The following SUPT3H variants were observed in gnomAD, a reference collection of about 807,000 sequenced individuals.
The protein encoded by SUPT3H is SPT3 homolog, SAGA and STAGA complex component.
Under a neutral mutation model 44.3 loss-of-function variants are expected in SUPT3H, and 44 were observed. That is an observed-to-expected ratio of 0.99 (90% CI 0.78 to 1.28). The LOEUF is 1.28. Among genes scored for constraint, SUPT3H ranks in the 50% most tolerant of loss-of-function variants. The probability of loss-of-function intolerance (pLI) is 0.00; values close to 1 mark genes in which losing one functional copy is unlikely to be tolerated. For synonymous variants in SUPT3H, 124 were observed against 125.6 expected (o/e 0.99, Z 0.09); for missense variants, 380 against 387.1 (o/e 0.98, Z 0.15).
intron 10 of SUPT3H, chr6:44,898,983 GC>G (rs1234489268): frequency 6.6e-6 from 1 of 152,078 alleles, no homozygotes; most frequent in Non-Finnish European, 1.5e-5. Flanking sequence ...TGAAAACTCT[GC>G]CCCCCTCCCT....
rs571222335 is a variant in SUPT3H at position 45,272,858 on chromosome 6, A to C, written c.101+92343T>G. Reference sequence around the variant, plus strand: ...CAAGCAAAACGCCTCAAGCATCCCCAAAAAAACTGTTGCCATGACTTCTGC... The same window carrying C: ...CAAGCAAAACGCCTCAAGCATCCCCCAAAAAACTGTTGCCATGACTTCTGC... On this transcript the variant is annotated intron_variant, in intron 2 of 10. Coordinates refer to ENST00000371459, the MANE Select transcript of SUPT3H (RefSeq NM_003599.4). Among the ~76,000 whole-genome samples, 326 of 152,246 alleles carry C rather than the reference A, an allele frequency of 2.1e-3. 1 individual carries two copies. The highest frequency in any genetic ancestry group is 7.5e-3 in the African/African-American group (311 of 41,550).
intron 4 of SUPT3H, among the ~76,000 whole-genome samples, chr6:45,019,424 C>T (rs1784793004): frequency 1.3e-5 from 2 of 151,884 alleles, no homozygotes. Context: ...TTTTCTAGTT[C>T]TTTTAATTGT....
chr6:45,009,352 G>GAA (rs1472158101), intron 5 of SUPT3H, among the ~76,000 whole-genome samples: 1 of 151,974 alleles, frequency 6.6e-6, no homozygotes, highest in African/African-American at 2.4e-5. Flanking sequence ...TTTGCTGTTT[G>GAA]TGCTTTTGGT....
At chr6:45,048,221 CTTTTTTTTT>C (rs67557043) in intron 3 of SUPT3H, among the ~76,000 whole-genome samples, 19 of 88,196 alleles carry the variant, frequency 2.2e-4, no homozygotes, top group African/African-American at 5.0e-4. Flanking sequence ...TCTCTCTACT[CTTTTTTTTT>C]TTTTTTTTTT....
At chr6:44,906,027 C>G (rs6458414) in intron 10 of SUPT3H, among the ~76,000 whole-genome samples, 52,317 of 151,422 alleles carry the variant, frequency 0.35, 9,744 homozygotes, top group Admixed American at 0.42. Context: ...GCCTGTTGTG[C>G]GGTGGGGGGA....
Position 44,848,921 on chromosome 6 carries a change from A to G in SUPT3H, c.913-19064T>C, listed in dbSNP as rs552563973. 2.6e-5 allele frequency among the ~76,000 whole-genome samples: 4 copies of G among 152,346 alleles called. No individual in the cohort carries two copies. In the East Asian group the frequency reaches 7.7e-4, roughly 29 times the overall value. Reference sequence around the variant, plus strand: ...CCCCAACCTTCCTTTGAAGGAAATCAGAAGTGAATAAGAGACGACTTTCTT... The same window carrying G: ...CCCCAACCTTCCTTTGAAGGAAATCGGAAGTGAATAAGAGACGACTTTCTT... On this transcript the variant is annotated intron_variant, in intron 10 of 10. Coordinates refer to ENST00000371459, the MANE Select transcript of SUPT3H (RefSeq NM_003599.4).
At chr6:45,176,032 T>A (rs1180289468) in intron 2 of SUPT3H, among the ~76,000 whole-genome samples, 11 of 152,198 alleles carry the variant, frequency 7.2e-5, no homozygotes, top group Admixed American at 7.2e-4. Flanking sequence ...CTCACCTTGG[T>A]CCATGATTGG....
intron 10 of SUPT3H, among the ~76,000 whole-genome samples, chr6:44,858,082 G>A (rs558207976): frequency 4.6e-5 from 7 of 152,152 alleles, no homozygotes; most frequent in East Asian, 1.9e-4. Flanking sequence ...ATCAGGCCTC[G>A]CCCAAGTGCA....
At chr6:44,998,362 GA>G (rs1441822346) in intron 6 of SUPT3H, among the ~76,000 whole-genome samples, 1 of 151,814 alleles carries the variant, frequency 6.6e-6, no homozygotes, top group Non-Finnish European at 1.5e-5. Context: ...TATTTTCTTA[GA>G]AAAACACTCA....
At chr6:44,874,820 A>G (rs1187184658) in intron 10 of SUPT3H, among the ~76,000 whole-genome samples, 4 of 140,612 alleles carry the variant, frequency 2.8e-5, no homozygotes, top group East Asian at 2.1e-4. Context: ...ATACAAAATC[A>G]ATGTACAAAA....
chr6:45,032,980 G>C (rs1478063161), intron 3 of SUPT3H, among the ~76,000 whole-genome samples: 1 of 152,188 alleles, frequency 6.6e-6, no homozygotes, highest in South Asian at 2.1e-4. Flanking sequence ...ACAGGAAGTA[G>C]AGTAGGAAGA....
At chr6:45,251,864 G>A (rs1195841400) in intron 2 of SUPT3H, among the ~76,000 whole-genome samples, 1 of 152,024 alleles carries the variant, frequency 6.6e-6, no homozygotes, top group Non-Finnish European at 1.5e-5. Context: ...CAAAGGTTTA[G>A]ATATGAACTG....
chr6:45,136,347 C>A (rs1804276067), intron 2 of SUPT3H, among the ~76,000 whole-genome samples: 1 of 152,000 alleles, frequency 6.6e-6, no homozygotes, highest in Middle Eastern at 3.2e-3. Flanking sequence ...ATAACAATAA[C>A]CCCAAAGGAA....
chr6:44,940,895 A>G (rs925043821), intron 9 of SUPT3H, among the ~76,000 whole-genome samples: 1 of 151,992 alleles, frequency 6.6e-6, no homozygotes, highest in Non-Finnish European at 1.5e-5. Flanking sequence ...CTTTTGCTTT[A>G]TATCTGCATG....
chr6:45,083,603 A>G (rs1209753322), intron 3 of SUPT3H, among the ~76,000 whole-genome samples: 1 of 152,108 alleles, frequency 6.6e-6, no homozygotes, highest in South Asian at 2.1e-4. Flanking sequence ...ACTCTTCTAA[A>G]ATTCTTACAG....
rs142347794 is a variant in SUPT3H, at chr6:44,969,805, GTGCT to G, written c.505-7981_505-7978del. 5.4e-3 allele frequency among the ~76,000 whole-genome samples: 823 copies of G among 152,236 alleles called. 11 individuals are homozygous for G. Among genetic ancestry groups the G allele is most frequent in the African/African-American group, 0.019 (792 of 41,526 alleles). The stretch of plus-strand genomic sequence containing the variant: ...AGCCTTAAAAAATAGGTTTCCAGTG[GTGCT>G]AATTTGTTTCCCCAGAGTGGCATTC... On this transcript the variant is annotated intron_variant, in intron 6 of 10. Transcript: ENST00000371459.
At chr6:45,177,165 C>T (rs1371184130) in intron 2 of SUPT3H, among the ~76,000 whole-genome samples, 2 of 152,072 alleles carry the variant, frequency 1.3e-5, no homozygotes, top group Non-Finnish European at 2.9e-5. Flanking sequence ...AAGTTGAAAA[C>T]TTTGAAAAAA....
intron 3 of SUPT3H, among the ~76,000 whole-genome samples, chr6:45,076,642 A>G (rs898153744): frequency 1.3e-5 from 2 of 152,208 alleles, no homozygotes; most frequent in Non-Finnish European, 2.9e-5. Context: ...TATATTCTGC[A>G]TATATGGTCA....
At chr6:45,116,993 A>G (rs760803215) in intron 2 of SUPT3H, among the ~76,000 whole-genome samples, 11 of 152,124 alleles carry the variant, frequency 7.2e-5, no homozygotes, top group Non-Finnish European at 1.2e-4. Flanking sequence ...TTTGGTCTCA[A>G]TGTAAATAGC....
Sources: gnomAD v4.1 joint callset for allele counts (sites outside exome capture counted in the v4.1 genomes callset) on GRCh38, gnomAD v4.1.1 for gene constraint, MANE v1.5 for transcripts, NCBI Gene and HGNC (gene_info 2026-07-23, HGNC 2026-07-21) for gene names.